The following CADPS2 variants were observed in gnomAD, a reference collection of about 807,000 sequenced individuals.
CADPS2 encodes calcium dependent secretion activator 2.
Under a neutral mutation model 172.5 loss-of-function variants are expected in CADPS2, and 93 were observed. The observed-to-expected ratio is 0.54, with a 90% CI of 0.46 to 0.64. The LOEUF (loss-of-function observed/expected upper bound fraction) is 0.64, where lower values mean the gene tolerates loss of function less well. Among genes scored for constraint, CADPS2 ranks in the 30% least tolerant of loss-of-function variants. The probability of loss-of-function intolerance (pLI) is 0.00; values close to 1 mark genes in which losing one functional copy is unlikely to be tolerated. For missense variants in CADPS2, 1,420 were observed against 1,565.9 expected (o/e 0.91, Z 1.57); for synonymous variants, 546 against 555.2 (o/e 0.98, Z 0.23).
chr7:122,734,377 A>AAG (rs1356154130), intron 2 of CADPS2, among the ~76,000 whole-genome samples: 27 of 95,912 alleles, frequency 2.8e-4, no homozygotes, highest in African/African-American at 4.9e-4. Context: ...AAAAAAAAAA[A>AAG]AAAAAAAAAG....
At chr7:122,469,320 AGTTTGCTTTGG>A (rs1482670359) in intron 14 of CADPS2, among the ~76,000 whole-genome samples, 1 of 152,170 alleles carries the variant, frequency 6.6e-6, no homozygotes, top group Admixed American at 6.5e-5. Flanking sequence ...CTGATTATAC[AGTTTGCTTTGG>A]GTTTGTTTGT....
chr7:122,590,134 C>T (rs1476920535), intron 6 of CADPS2, among the ~76,000 whole-genome samples: 1 of 151,700 alleles, frequency 6.6e-6, no homozygotes, highest in Non-Finnish European at 1.5e-5. Context: ...TCTCTAGGGA[C>T]TCAAAGTAGC....
rs1309031705 is a variant in CADPS2, at chr7:122,615,201, C to T, written c.1203G>A (p.Gln401=). ...CTTACTGTGGCCTTGAGGCTTCGGCCTGGTCTGTCTGAAGTTTTTCTCCTT... is the reference window on the plus strand; with the variant it reads ...CTTACTGTGGCCTTGAGGCTTCGGCTTGGTCTGTCTGAAGTTTTTCTCCTT... ...EVEGEKLQTD[Q]AEASRPQWGT... Residue 401 remains glutamine, a synonymous_variant, in exon 6 of 30, where the codon CAG becomes CAA. Coordinates refer to ENST00000449022, the MANE Select transcript of CADPS2 (RefSeq NM_017954.11). 1 of 1,550,176 alleles carries T rather than the reference C, an allele frequency of 6.5e-7. No homozygotes were observed. The highest frequency in any genetic ancestry group is 1.9e-5 in the Admixed American group (1 of 51,612).
chr7:122,584,954 A>G (rs535777484), intron 6 of CADPS2, among the ~76,000 whole-genome samples: 10 of 152,124 alleles, frequency 6.6e-5, no homozygotes, highest in Non-Finnish European at 1.5e-4. Flanking sequence ...AAGAAAAAAA[A>G]ATTCTCCATT....
At chr7:122,689,615 G>A (rs943346821) in intron 2 of CADPS2, among the ~76,000 whole-genome samples, 4 of 152,148 alleles carry the variant, frequency 2.6e-5, no homozygotes, top group Non-Finnish European at 5.9e-5. Flanking sequence ...CAGGCACATG[G>A]GGCCACCCTC....
intron 1 of CADPS2, among the ~76,000 whole-genome samples, chr7:122,778,081 T>G (rs2093940295): frequency 6.6e-6 from 1 of 152,102 alleles, no homozygotes; most frequent in South Asian, 2.1e-4. Context: ...TGGAGCTTCC[T>G]AGAGACTTGT....
intron 28 of CADPS2, among the ~76,000 whole-genome samples, chr7:122,335,096 A>G (rs558402620): frequency 6.6e-6 from 1 of 152,324 alleles, no homozygotes; most frequent in East Asian, 1.9e-4. Context: ...TTTAATCTCA[A>G]CATTTCCCAC....
At chr7:122,397,765 C>T (rs935172851) in intron 20 of CADPS2, among the ~76,000 whole-genome samples, 2 of 152,032 alleles carry the variant, frequency 1.3e-5, no homozygotes, top group Admixed American at 1.3e-4. Flanking sequence ...CCAAATCAAG[C>T]CTTTACAAAG....
chr7:122,858,359 G>C (rs1461588629), intron 1 of CADPS2, among the ~76,000 whole-genome samples: 1 of 152,094 alleles, frequency 6.6e-6, no homozygotes, highest in African/African-American at 2.4e-5. Context: ...TTTAAATAGA[G>C]CTTTTATACA....
chr7:122,438,073 C>T (rs2151942775), intron 17 of CADPS2, among the ~76,000 whole-genome samples: 1 of 152,192 alleles, frequency 6.6e-6, no homozygotes, highest in South Asian at 2.1e-4. Context: ...CATGAAAACA[C>T]CTTTTGGTTT....
chr7:122,646,277 T>C (rs1588107672), intron 3 of CADPS2, among the ~76,000 whole-genome samples: 1 of 152,126 alleles, frequency 6.6e-6, no homozygotes. Flanking sequence ...ACTGTACATA[T>C]GGTACAACAG....
intron 20 of CADPS2, among the ~76,000 whole-genome samples, chr7:122,397,661 C>G (rs538532159): frequency 1.3e-5 from 2 of 152,282 alleles, no homozygotes; most frequent in African/African-American, 4.8e-5. Flanking sequence ...TCAAAAGGCC[C>G]TCTTAATATG....
chr7:122,392,803 A>C (rs749386591), intron 22 of CADPS2, among the ~76,000 whole-genome samples: 1 of 152,172 alleles, frequency 6.6e-6, no homozygotes, highest in Non-Finnish European at 1.5e-5. Context: ...AAGGTTTTCT[A>C]CTTGCACAAG....
chr7:122,651,505 A>G (rs766502577), intron 3 of CADPS2, among the ~76,000 whole-genome samples: 6 of 152,238 alleles, frequency 3.9e-5, no homozygotes, highest in Admixed American at 3.3e-4. Flanking sequence ...TTCTAGGGAA[A>G]AGAAATCATA....
intron 3 of CADPS2, among the ~76,000 whole-genome samples, chr7:122,651,176 G>A (rs971102737): frequency 2.6e-5 from 4 of 151,242 alleles, no homozygotes; most frequent in African/African-American, 9.7e-5. Context: ...GTAACTGTCA[G>A]TAGAATGTGC....
chr7:122,766,629 C>T (rs746792869), intron 1 of CADPS2, among the ~76,000 whole-genome samples: 8 of 152,048 alleles, frequency 5.3e-5, no homozygotes, highest in Non-Finnish European at 1.0e-4. Context: ...AATTTTGAAA[C>T]GCCATCTTGC....
At chr7:122,599,876 G>A (rs1563819798) in intron 6 of CADPS2, among the ~76,000 whole-genome samples, 1 of 151,844 alleles carries the variant, frequency 6.6e-6, no homozygotes, top group Non-Finnish European at 1.5e-5. Context: ...CTCCTTTTCT[G>A]TTTATCATCT....
intron 1 of CADPS2, among the ~76,000 whole-genome samples, chr7:122,803,965 G>A (rs1180068017): frequency 3.1e-5 from 4 of 128,866 alleles, no homozygotes; most frequent in African/African-American, 9.4e-5. Context: ...TTAAAACCAG[G>A]CTTGAATGGA....
Position 122,649,736 on chromosome 7 carries a change from A to T in CADPS2, c.786+13501T>A, listed in dbSNP as rs138792023. On this transcript the variant is annotated intron_variant, in intron 3 of 29. Coordinates refer to ENST00000449022, the MANE Select transcript of CADPS2 (RefSeq NM_017954.11). ...TCAACTATACCATTACATTTCATAC[A>T]TCTATATGATTTATACATCTATACC... is the stretch of plus-strand genomic sequence containing the variant. Among the ~76,000 whole-genome samples the T allele has an allele frequency of 1.9e-4, 29 of 152,216 alleles. No homozygotes were observed. In the East Asian group the frequency reaches 5.0e-3, roughly 26 times the overall value.
Sources: allele counts gnomAD v4.1 joint callset (sites outside exome capture counted in the v4.1 genomes callset), GRCh38; gene constraint gnomAD v4.1.1; transcripts MANE v1.5; gene names NCBI Gene and HGNC (gene_info 2026-07-23, HGNC 2026-07-21).